Variants in PCGF3 observed in about 807,000 individuals in gnomAD.
The protein encoded by PCGF3 is polycomb group ring finger 3.
A neutral mutation model predicts 33.1 loss-of-function variants in PCGF3; 7 were observed. That is an observed-to-expected ratio of 0.21 (90% CI 0.12 to 0.40). The LOEUF is 0.40. Among genes scored for constraint, PCGF3 ranks in the 10% least tolerant of loss-of-function variants. PCGF3 has a pLI of 1.00. For missense variants in PCGF3, 211 were observed against 313.3 expected (o/e 0.67, Z 2.46); for synonymous variants, 153 against 121.3 (o/e 1.26, Z -1.72).
Position 720,452 on chromosome 4 carries a change from C to T in PCGF3, c.-189-10178C>T, listed in dbSNP as rs1449239755. 1.3e-5 allele frequency among the ~76,000 whole-genome samples: 2 copies of T among 152,174 alleles called. No homozygotes were observed. The highest frequency in any genetic ancestry group is 2.1e-4 in the South Asian group (1 of 4,828). ...CTGCCCGTCCAGAGAGGTGCAGGGTCTCTTGTCAGGTGGACAGGGGCTGGC... is the reference window on the plus strand; with the variant it reads ...CTGCCCGTCCAGAGAGGTGCAGGGTTTCTTGTCAGGTGGACAGGGGCTGGC... On this transcript the variant is annotated intron_variant, in intron 1 of 10. Transcript: ENST00000362003. This position sits in a 1 kb window ranked among gnomAD's most constrained non-coding sequence, Gnocchi z 5.6.
At chr4:766,073 G>C (rs1375796949) in exon 11 of PCGF3, 1 of 1,614,074 alleles carries the variant, frequency 6.2e-7, no homozygotes, top group Admixed American at 1.7e-5. Flanking sequence ...AGATGGACTT[G>C]CTGTGAATGG....
chr4:767,776 A>C (rs184751229), exon 11 of PCGF3: 17 of 149,738 alleles, frequency 1.1e-4, no homozygotes, highest in Admixed American at 7.3e-4. Context: ...CAGTTACCTA[A>C]GCTTGCTATT....
intron 9 of PCGF3, chr4:762,746 G>C (rs902482600): frequency 6.6e-6 from 1 of 152,308 alleles, no homozygotes; most frequent in Non-Finnish European, 1.5e-5. Context: ...GGAGCCTGCA[G>C]AGGGAGTGTG....
intron 1 of PCGF3, among the ~76,000 whole-genome samples, chr4:719,946 G>A (rs949246466): frequency 3.3e-5 from 5 of 152,200 alleles, no homozygotes; most frequent in South Asian, 2.1e-4. Flanking sequence ...CATTGGGATC[G>A]TAGCTGTGGT....
At chr4:765,659 C>T (rs1377177513) in intron 10 of PCGF3, among the ~76,000 whole-genome samples, 2 of 152,120 alleles carry the variant, frequency 1.3e-5, no homozygotes, top group African/African-American at 2.4e-5. Flanking sequence ...ACTCTCCCAC[C>T]TCAGCTGGTG....
At chr4:718,073 G>A (rs988563521) in intron 1 of PCGF3, among the ~76,000 whole-genome samples, 5 of 152,164 alleles carry the variant, frequency 3.3e-5, no homozygotes, top group African/African-American at 1.2e-4. Flanking sequence ...TGAGGGAGGC[G>A]CAGGTGGCTC....
chr4:754,288 G>C (rs911191555), intron 8 of PCGF3, among the ~76,000 whole-genome samples: 1 of 152,214 alleles, frequency 6.6e-6, no homozygotes, highest in African/African-American at 2.4e-5. Context: ...ACTCCTCCGA[G>C]TTGTGCCTCC....
chr4:724,461 G>A (rs896661088), intron 1 of PCGF3, among the ~76,000 whole-genome samples: 1 of 152,238 alleles, frequency 6.6e-6, no homozygotes, highest in African/African-American at 2.4e-5. Context: ...TGGGCTGGGT[G>A]GGGTGGCAGC....
In PCGF3 at chr4:766,299, C is replaced by T. The variant is rs1172658544; in HGVS notation, c.*220C>T. 1.2e-5 allele frequency: 6 copies of T among 508,724 alleles called. No homozygotes were observed. The Admixed American group carries it at 1.8e-4, about 15-fold the overall frequency. The allele number at this position is 508,724 out of a possible 1,614,324, so 31.5% of individuals were successfully genotyped here. On this transcript the variant is annotated 3_prime_UTR_variant, in exon 11 of 11. Transcript: ENST00000362003. The stretch of plus-strand genomic sequence containing the variant: ...TCACAGTCTCCCAGAGCCGATCGTC[C>T]TCTCCCCCGCCCCACCCCGTGCTTC...
chr4:711,478 T>G, intron 1 of PCGF3, among the ~76,000 whole-genome samples: 1 of 133,302 alleles, frequency 7.5e-6, no homozygotes, highest in Non-Finnish European at 1.6e-5. Flanking sequence ...TGAGACGGAG[T>G]CTCGCTCTGT....
chr4:717,598 T>A (rs1036854688), intron 1 of PCGF3, among the ~76,000 whole-genome samples: 2 of 152,184 alleles, frequency 1.3e-5, no homozygotes, highest in East Asian at 1.9e-4. Flanking sequence ...CAAGCTGCTC[T>A]CAAGCCCCTG....
At chr4:744,844 G>C (rs1744251027) in intron 8 of PCGF3, among the ~76,000 whole-genome samples, 156 bp downstream of exon 8, 1 of 10,386 alleles carries the variant, frequency 9.6e-5, no homozygotes, top group Non-Finnish European at 2.2e-4. Flanking sequence ...AGTGTTCGCC[G>C]TGGAGGCGTG....
chr4:739,976 T>G (rs1205859043), intron 6 of PCGF3, among the ~76,000 whole-genome samples: 3 of 152,382 alleles, frequency 2.0e-5, no homozygotes, highest in South Asian at 4.1e-4. Context: ...TTGTTGTTTC[T>G]CAAGCTTTCA....
At chr4:760,375 A>AT (rs71166831) in intron 8 of PCGF3, among the ~76,000 whole-genome samples, 117,935 of 151,340 alleles carry the variant, frequency 0.78, 46,428 homozygotes, top group Middle Eastern at 0.91. Flanking sequence ...CCTCAAGTGA[A>AT]TTTTTTTTTA....
At chr4:758,444 C>G (rs1744879078) in intron 8 of PCGF3, among the ~76,000 whole-genome samples, 1 of 144,426 alleles carries the variant, frequency 6.9e-6, no homozygotes, top group African/African-American at 2.6e-5. Flanking sequence ...CCGAGTTCTT[C>G]TCCTTCCGGA....
intron 1 of PCGF3, among the ~76,000 whole-genome samples, chr4:711,985 G>T (rs1253573159): frequency 6.6e-6 from 1 of 151,320 alleles, no homozygotes; most frequent in Non-Finnish European, 1.5e-5. Context: ...AAAAAGAAAA[G>T]AAAATGTAAT....
At chr4:749,497 T>TTTTTTTTTTTTTTTTTTTC (rs1744418457) in intron 8 of PCGF3, among the ~76,000 whole-genome samples, 1 of 139,668 alleles carries the variant, frequency 7.2e-6, no homozygotes, top group African/African-American at 2.6e-5. Flanking sequence ...TTTTTTTTTT[T>TTTTTTTTTTTTTTTTTTTC]TTTGAGACAG....
chr4:762,126 G>A, intron 9 of PCGF3: 1 of 979,008 alleles, frequency 1.0e-6, no homozygotes, highest in Non-Finnish European at 1.2e-6. Context: ...GGCCCCAGAA[G>A]ATAAGCCACA....
intron 1 of PCGF3, among the ~76,000 whole-genome samples, chr4:716,589 T>A (rs1742856895): frequency 2.6e-5 from 3 of 114,838 alleles, no homozygotes; most frequent in Non-Finnish European, 3.5e-5. Context: ...TGGGACCCTG[T>A]AGACACTGAG....
Sources: gnomAD v4.1 joint callset for allele counts (sites outside exome capture counted in the v4.1 genomes callset) on GRCh38, gnomAD v4.1.1 for gene constraint, Gnocchi (gnomAD v3.1) non-coding constraint, MANE v1.5 for transcripts, NCBI Gene and HGNC (gene_info 2026-07-23, HGNC 2026-07-21) for gene names.